Variants in FOXN3 observed in about 807,000 individuals in gnomAD.
FOXN3 encodes the protein forkhead box N3, also known as forkhead box protein N3.
In FOXN3, 7 loss-of-function variants were observed where a neutral mutation model predicts 38.4. The observed-to-expected ratio is 0.18, with a 90% CI of 0.10 to 0.34. The LOEUF is 0.34. FOXN3 is among the 10% of genes least tolerant of loss of function. The probability of loss-of-function intolerance (pLI) is 1.00; values close to 1 mark genes in which losing one functional copy is unlikely to be tolerated. For synonymous variants in FOXN3, 230 were observed against 242.2 expected (o/e 0.95, Z 0.47); for missense variants, 456 against 613.4 (o/e 0.74, Z 2.71).
intron 4 of FOXN3, among the ~76,000 whole-genome samples, chr14:89,258,319 A>G (rs1036639174): frequency 1.3e-5 from 2 of 152,214 alleles, no homozygotes; most frequent in Admixed American, 1.3e-4. Flanking sequence ...GGAAAGGGGA[A>G]AGAAAGCTTC....
chr14:89,398,323 C>T (rs1891152948), intron 2 of FOXN3, among the ~76,000 whole-genome samples: 1 of 152,222 alleles, frequency 6.6e-6, no homozygotes, highest in Non-Finnish European at 1.5e-5. Context: ...TACCAAACCT[C>T]CTGATCTTGA....
At chr14:89,500,533 G>A (rs543904003) in intron 1 of FOXN3, among the ~76,000 whole-genome samples, 2 of 152,322 alleles carry the variant, frequency 1.3e-5, no homozygotes, top group Admixed American at 6.5e-5. Context: ...CCAAAGAACA[G>A]ACCTGCCTTT....
intron 1 of FOXN3, among the ~76,000 whole-genome samples, chr14:89,439,967 T>C (rs1289823634): frequency 4.6e-5 from 7 of 152,192 alleles, no homozygotes; most frequent in African/African-American, 1.7e-4. Context: ...TTTACTTTCT[T>C]AATAAACTTG....
rs528539505 is a variant in FOXN3, at chr14:89,269,709, T to C, written c.745+11241A>G. ...TGCCGGAGAGGTGGCCTTTTGACAT[T>C]GGAGGGCCAAAAGCTCCACCTCCCC... On this transcript the variant is annotated intron_variant, in intron 4 of 5. Coordinates refer to ENST00000557258, the MANE Select transcript of FOXN3 (RefSeq NM_005197.4). 7.6e-4 allele frequency among the ~76,000 whole-genome samples: 116 copies of C among 152,210 alleles called. No individual in the cohort carries two copies. The East Asian group carries it at 0.014, about 19-fold the overall frequency.
At chr14:89,531,972 C>A (rs1894580431) in intron 1 of FOXN3, among the ~76,000 whole-genome samples, 1 of 152,236 alleles carries the variant, frequency 6.6e-6, no homozygotes, top group Admixed American at 6.5e-5. Flanking sequence ...CCACACCTGG[C>A]CTTAAACTCC....
intron 1 of FOXN3, among the ~76,000 whole-genome samples, chr14:89,617,389 A>G (rs1596334412): frequency 6.6e-6 from 1 of 152,324 alleles, no homozygotes; most frequent in South Asian, 2.1e-4. Context: ...AGATGCCACA[A>G]TCTCTCAGAA....
chr14:89,179,532 G>C (rs1377069553), intron 5 of FOXN3, among the ~76,000 whole-genome samples: 1 of 152,172 alleles, frequency 6.6e-6, no homozygotes, highest in Non-Finnish European at 1.5e-5. Context: ...AGTGAGACAG[G>C]CTTTTTCTAA....
chr14:89,537,502 G>C (rs1216155055), intron 1 of FOXN3, among the ~76,000 whole-genome samples: 3 of 152,006 alleles, frequency 2.0e-5, no homozygotes, highest in Non-Finnish European at 2.9e-5. Context: ...ATCCAATCTA[G>C]TGAATTCCAT....
At position 89,542,890 on chromosome 14, in the gene FOXN3, G is replaced by A. The variant is rs569753159; in HGVS notation, c.-15+76138C>T. On this transcript the variant is annotated intron_variant, in intron 1 of 6. Transcript: ENST00000345097. ...TGGCAAAGAACTCCAGCCACCTGAC[G>A]CTGGACTTAGGCATCATCTTCCTGC... 2.6e-5 allele frequency among the ~76,000 whole-genome samples: 4 copies of A among 152,294 alleles called. No individual in the cohort carries two copies. In the East Asian group the frequency reaches 5.8e-4, roughly 22 times the overall value.
chr14:89,544,373 T>C (rs1050806212), intron 1 of FOXN3, among the ~76,000 whole-genome samples: 7 of 151,804 alleles, frequency 4.6e-5, no homozygotes, highest in African/African-American at 1.7e-4. Context: ...TTGCTCTGTC[T>C]CCCAAGCTGG....
intron 1 of FOXN3, among the ~76,000 whole-genome samples, chr14:89,616,220 G>A (rs1283219118): frequency 1.3e-5 from 2 of 152,092 alleles, no homozygotes; most frequent in African/African-American, 2.4e-5. Flanking sequence ...GGAGGCTAGG[G>A]GGAGGGGAGG....
chr14:89,327,200 A>G (rs1888109627), intron 3 of FOXN3, among the ~76,000 whole-genome samples: 1 of 152,224 alleles, frequency 6.6e-6, no homozygotes, highest in Non-Finnish European at 1.5e-5. Flanking sequence ...AGAAAAGGTG[A>G]GATTTATATA....
At chr14:89,495,387 T>C (rs1038536282) in intron 1 of FOXN3, among the ~76,000 whole-genome samples, 1 of 152,220 alleles carries the variant, frequency 6.6e-6, no homozygotes, top group African/African-American at 2.4e-5. Flanking sequence ...AATTGAATCA[T>C]GCTTGGCTAT....
chr14:89,580,717 T>A (rs1393843122), intron 1 of FOXN3, among the ~76,000 whole-genome samples: 1 of 152,240 alleles, frequency 6.6e-6, no homozygotes, highest in Admixed American at 6.5e-5. Flanking sequence ...GCTCCATAAT[T>A]GATGCAAGTT....
intron 2 of FOXN3, among the ~76,000 whole-genome samples, chr14:89,360,761 C>A (rs1297861517): frequency 9.5e-6 from 1 of 104,790 alleles, no homozygotes; most frequent in Non-Finnish European, 1.9e-5. Context: ...CCACCACCTC[C>A]ACCACTACCA....
At chr14:89,416,035 T>C (rs892409138) in intron 1 of FOXN3, among the ~76,000 whole-genome samples, 1 of 152,200 alleles carries the variant, frequency 6.6e-6, no homozygotes. Flanking sequence ...TCTGAACAGA[T>C]GTTCGATGCG....
At chr14:89,461,908 C>G (rs1162343222) in intron 1 of FOXN3, among the ~76,000 whole-genome samples, 1 of 152,228 alleles carries the variant, frequency 6.6e-6, no homozygotes, top group Non-Finnish European at 1.5e-5. Flanking sequence ...CATATCCTAT[C>G]AGGAGCAGGA....
intron 1 of FOXN3, among the ~76,000 whole-genome samples, chr14:89,483,617 A>G (rs1209646209): frequency 6.6e-6 from 1 of 152,188 alleles, no homozygotes; most frequent in Non-Finnish European, 1.5e-5. Flanking sequence ...CATGTTGGTC[A>G]GGCTGGTCTT....
chr14:89,324,962 C>A (rs1888006601), intron 3 of FOXN3, among the ~76,000 whole-genome samples: 4 of 152,270 alleles, frequency 2.6e-5, no homozygotes, highest in South Asian at 4.1e-4. Context: ...TAGGCCATAG[C>A]AAGGCTCTAG....
Sources: gnomAD v4.1 joint callset for allele counts (sites outside exome capture counted in the v4.1 genomes callset) on GRCh38, gnomAD v4.1.1 for gene constraint, MANE v1.5 for transcripts, NCBI Gene and HGNC (gene_info 2026-07-23, HGNC 2026-07-21) for gene names.